The following EVL variants were observed in gnomAD, a reference collection of about 807,000 sequenced individuals.
EVL encodes the protein Enah/Vasp-like.
Under a neutral mutation model 59.6 loss-of-function variants are expected in EVL, and 21 were observed. The ratio of observed to expected loss-of-function variants is 0.35; its 90% CI spans 0.25 to 0.51. The LOEUF is 0.51. Ranked by LOEUF, EVL falls within the 20% of genes least tolerant of loss-of-function variation. The probability of loss-of-function intolerance (pLI) is 0.97; values close to 1 mark genes in which losing one functional copy is unlikely to be tolerated. For missense variants in EVL, 462 were observed against 546.6 expected, an observed-to-expected ratio of 0.85 and a Z score of 1.54; for synonymous variants, 198 against 203.5, an observed-to-expected ratio of 0.97 and a Z score of 0.23.
chr14:100,140,011 TGGGA>T, intron 11 of EVL: 1 of 152,044 alleles, frequency 6.6e-6, no homozygotes, highest in Non-Finnish European at 1.5e-5. Flanking sequence ...CCCAGCACTT[TGGGA>T]GGCCGAGGCG....
At chr14:100,098,252 A>G (rs1363771263) in intron 3 of EVL, among the ~76,000 whole-genome samples, 1 of 152,222 alleles carries the variant, frequency 6.6e-6, no homozygotes, top group African/African-American at 2.4e-5. Context: ...AGAGCCGCCA[A>G]GGGAGACCTC....
chr14:100,121,465 C>T (rs1887694159), intron 3 of EVL, among the ~76,000 whole-genome samples: 1 of 152,218 alleles, frequency 6.6e-6, no homozygotes, highest in African/African-American at 2.4e-5. Context: ...ATGTTCAGGG[C>T]CATGGTGGCT....
At chr14:100,125,455 G>C (rs993566395) in intron 4 of EVL, among the ~76,000 whole-genome samples, 1 of 152,166 alleles carries the variant, frequency 6.6e-6, no homozygotes, top group Non-Finnish European at 1.5e-5. Context: ...TGTTCTAGGT[G>C]TGTGGCTCCT....
Position 100,123,495 on chromosome 14 carries a change from T to G in EVL, c.359-44T>G, listed in dbSNP as rs757043856. 2.5e-6 allele frequency: 4 copies of G among 1,608,192 alleles called. No individual in the cohort carries two copies. In the African/African-American group the frequency reaches 5.4e-5, roughly 22 times the overall value. ...CACTCCAGTTGGGTTTGCTGGGGCC[T>G]TTCTTCCTCTAACCACACTGTTTCT... On this transcript the variant is annotated intron_variant, in intron 3 of 13. Coordinates refer to ENST00000392920, the MANE Select transcript of EVL (RefSeq NM_016337.3).
chr14:100,122,707 C>T (rs976441377), intron 3 of EVL, among the ~76,000 whole-genome samples: 1 of 152,194 alleles, frequency 6.6e-6, no homozygotes, highest in African/African-American at 2.4e-5. Flanking sequence ...TCTGCAGTTC[C>T]CTAGTGACAC....
At chr14:99,992,171 T>G (rs538397971) in intron 1 of EVL, among the ~76,000 whole-genome samples, 2 of 152,218 alleles carry the variant, frequency 1.3e-5, no homozygotes, top group Non-Finnish European at 2.9e-5. Flanking sequence ...GGTATCTCAT[T>G]GTGGTTTTGA....
intron 1 of EVL, among the ~76,000 whole-genome samples, chr14:100,080,815 A>G (rs1348940549): frequency 6.6e-6 from 1 of 152,140 alleles, no homozygotes; most frequent in African/African-American, 2.4e-5. Flanking sequence ...GACTGATTTC[A>G]CTCCCCAACT....
intron 1 of EVL, among the ~76,000 whole-genome samples, chr14:100,079,655 T>C (rs2062249018): frequency 1.3e-5 from 2 of 152,336 alleles, no homozygotes; most frequent in East Asian, 3.9e-4. Context: ...TTCCTCCCTG[T>C]GGACCTTCCT....
At chr14:100,033,413 G>A (rs2061342971) in intron 1 of EVL, among the ~76,000 whole-genome samples, 1 of 152,114 alleles carries the variant, frequency 6.6e-6, no homozygotes, top group Non-Finnish European at 1.5e-5. Context: ...TTACCTAAGA[G>A]GCTCCTAAGA....
At chr14:100,098,786 G>A (rs1885994652) in intron 3 of EVL, among the ~76,000 whole-genome samples, 1 of 152,210 alleles carries the variant, frequency 6.6e-6, no homozygotes, top group Admixed American at 6.5e-5. Context: ...ACATATGCTA[G>A]CAGAGGAACT....
chr14:100,085,072 T>C (rs1029350538), intron 2 of EVL: 7 of 502,132 alleles, frequency 1.4e-5, no homozygotes, highest in African/African-American at 9.7e-5. Context: ...CTATGTCATA[T>C]GGAGACAGTA....
chr14:100,058,666 A>G (rs2061772799), intron 1 of EVL, among the ~76,000 whole-genome samples: 2 of 151,450 alleles, frequency 1.3e-5, no homozygotes, highest in Admixed American at 1.3e-4. Flanking sequence ...TTTTTTTTTC[A>G]TCGGACCTGG....
At position 100,126,923 on chromosome 14, in the gene EVL, G is replaced by C. The variant is rs900142809; in HGVS notation, c.487+152G>C. On this transcript the variant is annotated intron_variant, in intron 5 of 13. Transcript: ENST00000392920. ...TGCAACCACCACTTCAGATGGTGAG[G>C]GTAGCAAGAGAGCAGAGCAGAGGCT... The C allele has an allele frequency of 1.1e-4, 76 of 688,610 alleles. 1 individual carries two copies. The highest frequency in any genetic ancestry group is 1.4e-4 in the Non-Finnish European group (56 of 411,174). 42.7% of individuals were successfully genotyped at this position (688,610 alleles called of 1,614,324 possible).
At chr14:100,133,769 C>G (rs1278981274) in intron 8 of EVL, among the ~76,000 whole-genome samples, 1 of 152,194 alleles carries the variant, frequency 6.6e-6, no homozygotes, top group Admixed American at 6.5e-5. Context: ...GAAACGTCAT[C>G]TCTACTAAAA....
chr14:100,129,806 C>T lies in EVL; in HGVS notation c.839+122C>T. Reference sequence around the variant, plus strand: ...TCTTTGTTCCCTGGGTTTAGCCAAGCAGGGGAAACTGTTACTTAAGTTTTC... The same window carrying T: ...TCTTTGTTCCCTGGGTTTAGCCAAGTAGGGGAAACTGTTACTTAAGTTTTC... On this transcript the variant is annotated intron_variant, in intron 7 of 13. Transcript: ENST00000392920. The T allele has an allele frequency of 2.9e-6, 4 of 1,364,186 alleles. No homozygotes were observed. In the East Asian group the frequency reaches 1.0e-4, roughly 36 times the overall value. The allele number at this position is 1,364,186 out of a possible 1,614,324, so 84.5% of individuals were successfully genotyped here.
intron 3 of EVL, among the ~76,000 whole-genome samples, chr14:100,113,565 A>G (rs1887138255): frequency 6.6e-6 from 1 of 152,142 alleles, no homozygotes; most frequent in African/African-American, 2.4e-5. Flanking sequence ...GTGTGGGGGA[A>G]GGATTTGGGC....
chr14:99,988,415 G>C (rs922114575), intron 1 of EVL, among the ~76,000 whole-genome samples: 1 of 152,160 alleles, frequency 6.6e-6, no homozygotes, highest in African/African-American at 2.4e-5. Flanking sequence ...TGTTGGTGAG[G>C]ATGAGGATAA....
At chr14:100,129,407 G>T (rs961927893) in intron 6 of EVL, among the ~76,000 whole-genome samples, 156 bp from the exon 7 acceptor site, 1 of 152,212 alleles carries the variant, frequency 6.6e-6, no homozygotes, top group African/African-American at 2.4e-5. Flanking sequence ...CCCCTGTGGG[G>T]TTGGAGAATA....
intron 3 of EVL, among the ~76,000 whole-genome samples, chr14:100,123,019 T>C (rs1317501385): frequency 6.6e-6 from 1 of 152,228 alleles, no homozygotes; most frequent in African/African-American, 2.4e-5. Context: ...AGCATAGGCC[T>C]CAGCTCAGAC....
Sources: gnomAD v4.1 joint callset for allele counts (sites outside exome capture counted in the v4.1 genomes callset) on GRCh38, gnomAD v4.1.1 for gene constraint, MANE v1.5 for transcripts, NCBI Gene and HGNC (gene_info 2026-07-23, HGNC 2026-07-21) for gene names.